Variants in PPFIA1 observed in about 807,000 individuals in gnomAD.
PPFIA1 encodes the protein liprin-alpha-1.
Under a neutral mutation model 149.9 loss-of-function variants are expected in PPFIA1, and 25 were observed. That is an observed-to-expected ratio of 0.17 (90% CI 0.12 to 0.23). The LOEUF is 0.23. Ranked by LOEUF, PPFIA1 falls within the 10% of genes least tolerant of loss-of-function variation. PPFIA1 has a pLI of 1.00. For synonymous variants in PPFIA1, 549 were observed against 552.8 expected (o/e 0.99, Z 0.10); for missense variants, 1,362 against 1,506.5 (o/e 0.90, Z 1.59).
At chr11:70,348,009 AAAAT>A (rs1312347377) in intron 15 of PPFIA1, among the ~76,000 whole-genome samples, 176 bp from the exon 16 acceptor site, 3 of 152,312 alleles carry the variant, frequency 2.0e-5, no homozygotes, top group East Asian at 1.9e-4. Context: ...TCTCAAAAGA[AAAAT>A]AAATAAATAA....
intron 2 of PPFIA1, among the ~76,000 whole-genome samples, chr11:70,289,616 A>G (rs1591068683): frequency 1.3e-5 from 2 of 152,362 alleles, no homozygotes; most frequent in African/African-American, 2.4e-5. Flanking sequence ...ACATAACCAA[A>G]GTAATTACCA....
At chr11:70,274,802 T>C (rs2050289717) in intron 2 of PPFIA1, among the ~76,000 whole-genome samples, 1 of 152,028 alleles carries the variant, frequency 6.6e-6, no homozygotes, top group African/African-American at 2.4e-5. Flanking sequence ...CACTGTAGCC[T>C]CCACCTCCCA....
Position 70,330,304 on chromosome 11 carries a change from T to G in PPFIA1, c.1062T>G (p.Asp354Glu). ...DKLENEIANKDSMHRQTEDKN... is the reference protein window; with the variant it reads ...DKLENEIANKESMHRQTEDKN... ...TTGAAAATGAAATTGCAAATAAAGA[T>G]TCTATGCATCGACAGGTAATGGATT... The change falls in exon 8 of 28, where the codon GAT (aspartate) becomes GAG (glutamate). Residue 354 changes from aspartate to glutamate, a missense_variant. By Grantham distance (45) the Asp-to-Glu change is conservative. Transcript: ENST00000253925. The G allele has an allele frequency of 6.3e-7, 1 of 1,584,964 alleles. No individual in the cohort carries two copies. The highest frequency in any genetic ancestry group is 8.6e-7 in the Non-Finnish European group (1 of 1,169,468).
At chr11:70,281,217 T>A (rs2050741498) in intron 2 of PPFIA1, among the ~76,000 whole-genome samples, 1 of 152,180 alleles carries the variant, frequency 6.6e-6, no homozygotes, top group Admixed American at 6.6e-5. Flanking sequence ...TAGAAAGCGC[T>A]GGGTGATGCT....
At chr11:70,363,634 C>T (rs1388653649) in intron 21 of PPFIA1, among the ~76,000 whole-genome samples, 2 of 152,166 alleles carry the variant, frequency 1.3e-5, no homozygotes, top group Non-Finnish European at 2.9e-5. Context: ...CCACCTCAGC[C>T]TCCCAAGTAG....
rs549979735 is a variant in PPFIA1 at position 70,295,680 on chromosome 11, C to T, written c.264+23244C>T. Among the ~76,000 whole-genome samples the T allele has an allele frequency of 5.3e-4, 65 of 122,650 alleles. 1 individual carries two copies. Among genetic ancestry groups the T allele is most frequent in the Admixed American group, 1.1e-3 (14 of 12,604 alleles). The allele number at this position is 122,650 out of a possible 152,430, so 80.5% of individuals were successfully genotyped here. ...TCCCGGACGGGGCGGCTGGCCGGGCCGGGGGCTGACCCCCCCCACCTCCCT... is the reference window on the plus strand; with the variant it reads ...TCCCGGACGGGGCGGCTGGCCGGGCTGGGGGCTGACCCCCCCCACCTCCCT... On this transcript the variant is annotated intron_variant, in intron 2 of 27. Transcript: ENST00000253925.
intron 7 of PPFIA1, 146 bp downstream of exon 7, chr11:70,326,964 A>C (rs2054334887): frequency 1.4e-6 from 1 of 721,546 alleles, no homozygotes; most frequent in African/African-American, 1.8e-5. Flanking sequence ...TGAAAAAGAG[A>C]GAGTGCTGTG....
chr11:70,378,195 G>A lies in PPFIA1; in HGVS notation c.3550G>A (p.Gly1184Ser). 11 of 1,613,224 alleles carry A rather than the reference G, an allele frequency of 6.8e-6. No homozygotes were observed. Among genetic ancestry groups the A allele is most frequent in the Non-Finnish European group, 9.3e-6 (11 of 1,179,542 alleles). ...SMQPKKMQMD[G>S]NVSGTQRLDS... ...GCAGCCAAAGAAGATGCAGATGGAC[G>A]GTATGTGATGGGTCACACTAACCTG... Residue 1184 changes from glycine (G) to serine (S), a missense_variant and splice_region_variant, in exon 26 of 28, where the codon GGC (glycine) becomes AGC (serine). By Grantham distance (56) the Gly-to-Ser change is moderately conservative. Around this residue, in one of 7 missense-constraint regions of PPFIA1, gnomAD observed 349 missense variants for 373.3 expected, o/e 0.93. Coordinates refer to ENST00000253925, the MANE Select transcript of PPFIA1 (RefSeq NM_003626.5).
chr11:70,330,094 G>T (rs766067833), intron 7 of PPFIA1, 79 bp from the exon 8 acceptor site: 312 of 1,354,802 alleles, frequency 2.3e-4, no homozygotes, highest in Non-Finnish European at 2.6e-4. Flanking sequence ...ATTTACTTCA[G>T]TTTTTTTCTC....
Position 70,378,012 on chromosome 11 carries a change from T to G in PPFIA1, c.3385-18T>G. The G allele has an allele frequency of 1.3e-6, 2 of 1,570,268 alleles. No individual in the cohort carries two copies. Among genetic ancestry groups the G allele is most frequent in the Non-Finnish European group, 8.7e-7 (1 of 1,150,062 alleles). On this transcript the variant is annotated intron_variant, in intron 25 of 27. Coordinates refer to ENST00000253925, the MANE Select transcript of PPFIA1 (RefSeq NM_003626.5). Reference sequence around the variant, plus strand: ...TATTTTTTAAATGAATCTTGTTTTTTGTTCCTTAATTTACCAGGATGATGA... The same window carrying G: ...TATTTTTTAAATGAATCTTGTTTTTGGTTCCTTAATTTACCAGGATGATGA...
chr11:70,273,004 G>T (rs952350765), intron 2 of PPFIA1, among the ~76,000 whole-genome samples: 2 of 152,230 alleles, frequency 1.3e-5, no homozygotes, highest in Non-Finnish European at 2.9e-5. Context: ...TAGGCCGGGT[G>T]TGGTGGCTCA....
At chr11:70,276,780 C>T (rs953395580) in intron 2 of PPFIA1, among the ~76,000 whole-genome samples, 2 of 151,782 alleles carry the variant, frequency 1.3e-5, no homozygotes, top group African/African-American at 4.8e-5. Context: ...TTCAGGCCAC[C>T]CAGACTTTCC....
Position 70,382,229 on chromosome 11 carries a change from C to T in PPFIA1, c.*12+71C>T, listed in dbSNP as rs950573645. On this transcript the variant is annotated intron_variant, in intron 27 of 27. Transcript: ENST00000253925. Reference sequence around the variant, plus strand: ...GCAGGAGTCATCGGAGCTGCAGTGCCAGACTAGGGGTGTGGACCATGAAAG... The same window carrying T: ...GCAGGAGTCATCGGAGCTGCAGTGCTAGACTAGGGGTGTGGACCATGAAAG... 6 of 1,226,920 alleles carry T rather than the reference C, an allele frequency of 4.9e-6. No individual in the cohort carries two copies. The African/African-American group carries it at 8.9e-5, about 18-fold the overall frequency. The allele number at this position is 1,226,920 out of a possible 1,614,324, so 76.0% of individuals were successfully genotyped here. A position where few individuals can be genotyped will look rare whatever the true frequency, so the allele number is the denominator to read the frequency against.
At chr11:70,278,873 T>C in intron 2 of PPFIA1, 1 of 483,416 alleles carries the variant, frequency 2.1e-6, no homozygotes, top group Non-Finnish European at 4.0e-6. Flanking sequence ...GCTGGTAGAG[T>C]GTTTAGGGTC....
intron 21 of PPFIA1, chr11:70,367,588 G>T (rs1310723461): frequency 4.4e-6 from 2 of 455,394 alleles, no homozygotes; most frequent in Non-Finnish European, 8.8e-6. Flanking sequence ...CACCTGGTAT[G>T]TTTTTTTTCC....
intron 21 of PPFIA1, among the ~76,000 whole-genome samples, chr11:70,366,953 A>G (rs1192669542): frequency 6.6e-6 from 1 of 152,154 alleles, no homozygotes; most frequent in East Asian, 1.9e-4. Context: ...CTCCAGATAA[A>G]TAACCTCATT....
At chr11:70,303,595 TG>T (rs2052636578) in intron 2 of PPFIA1, among the ~76,000 whole-genome samples, 1 of 152,224 alleles carries the variant, frequency 6.6e-6, no homozygotes, top group South Asian at 2.1e-4. Context: ...GTCTGTGCCC[TG>T]GCCCCTGGCA....
chr11:70,338,814 C>T lies in PPFIA1; in HGVS notation c.1572-357C>T, dbSNP rs369567717. On this transcript the variant is annotated intron_variant, in intron 13 of 27. Coordinates refer to ENST00000253925, the MANE Select transcript of PPFIA1 (RefSeq NM_003626.5). The stretch of plus-strand genomic sequence containing the variant: ...CAGAGCAGTTGAAGGCCAGCAGTGG[C>T]GTGTGGCTGTGTTTTTCGTCAGCCC... Among the ~76,000 whole-genome samples, 8 of 152,222 alleles carry T rather than the reference C, an allele frequency of 5.3e-5. No individual in the cohort carries two copies. The East Asian group carries it at 5.8e-4, about 11-fold the overall frequency.
At chr11:70,376,968 G>A (rs2057517748) in intron 25 of PPFIA1, among the ~76,000 whole-genome samples, 1 of 152,036 alleles carries the variant, frequency 6.6e-6, no homozygotes, top group Non-Finnish European at 1.5e-5. Flanking sequence ...AGCTACTTGG[G>A]AGGCTGAGGC....
Sources: allele counts gnomAD v4.1 joint callset (sites outside exome capture counted in the v4.1 genomes callset), GRCh38; gene constraint gnomAD v4.1.1; regional missense constraint gnomAD v4.1.1; transcripts MANE v1.5; gene names NCBI Gene and HGNC (gene_info 2026-07-23, HGNC 2026-07-21).